MOB1B: variants seen among roughly 807,000 people sequenced by gnomAD.
MOB1B encodes MOB kinase activator 1B.
In MOB1B, 19 loss-of-function variants were observed where a neutral mutation model predicts 24.4. The observed-to-expected ratio is 0.78, with a 90% CI of 0.54 to 1.14. The LOEUF (loss-of-function observed/expected upper bound fraction) is 1.14. MOB1B is among the 50% of genes most tolerant of loss of function. The probability of loss-of-function intolerance (pLI) is 0.00; values close to 1 mark genes in which losing one functional copy is unlikely to be tolerated. For synonymous variants in MOB1B, 76 were observed against 82.1 expected (o/e 0.93, Z 0.40); for missense variants, 243 against 259.6 (o/e 0.94, Z 0.44).
At chr4:70,946,519 A>C (rs1267224722) in intron 1 of MOB1B, among the ~76,000 whole-genome samples, 1 of 152,182 alleles carries the variant, frequency 6.6e-6, no homozygotes, top group Non-Finnish European at 1.5e-5. Context: ...CTGACCCTTC[A>C]TGGGTTAGTA....
rs537041877 is a variant in MOB1B, at chr4:70,951,900, A to G, written c.15-6974A>G. Among the ~76,000 whole-genome samples the G allele has an allele frequency of 3.9e-5, 6 of 152,316 alleles. No homozygotes were observed. In the South Asian group the frequency reaches 8.3e-4, roughly 21 times the overall value. ...AAAAAAACAAAGCACAACATTCTCC[A>G]TAGTTATGATGCTGTGTTGGAAGCT... On this transcript the variant is annotated intron_variant, in intron 1 of 5. Coordinates refer to ENST00000309395, the MANE Select transcript of MOB1B (RefSeq NM_173468.4).
intron 1 of MOB1B, among the ~76,000 whole-genome samples, chr4:70,934,684 A>C (rs1312596307): frequency 1.3e-5 from 2 of 151,854 alleles, no homozygotes; most frequent in Non-Finnish European, 2.9e-5. Flanking sequence ...TCGAACTCCT[A>C]ACCTCAAGTG....
In MOB1B at chr4:70,981,982, A is replaced by G. The variant is rs745817469; in HGVS notation, c.576A>G (p.Glu192=). ...GCCTTTCTTTATATCATGCATAGGA[A>G]TTCAACCTTATTGATAGAAGAGAAC... is the stretch of plus-strand genomic sequence containing the variant. The part of the protein sequence containing the change: ...SFKHFIFFVQ[E]FNLIDRRELA... Residue 192 remains glutamate, a splice_region_variant and synonymous_variant, in exon 6 of 6, where the codon GAA becomes GAG. Transcript: ENST00000309395. 4.4e-6 allele frequency: 7 copies of G among 1,602,026 alleles called. No individual in the cohort carries two copies. The highest frequency in any genetic ancestry group is 6.0e-6 in the Non-Finnish European group (7 of 1,169,700).
At chr4:70,934,577 C>T (rs1378632473) in intron 1 of MOB1B, among the ~76,000 whole-genome samples, 8 of 151,836 alleles carry the variant, frequency 5.3e-5, no homozygotes, top group Non-Finnish European at 1.0e-4. Flanking sequence ...CCTCAGCCTC[C>T]CGAGTAGCTG....
Position 70,982,881 on chromosome 4 carries a change from C to T in MOB1B, c.*824C>T, listed in dbSNP as rs1739261638. 6.6e-6 allele frequency: 1 copy of T among 152,374 alleles called. No individual in the cohort carries two copies. The allele number at this position is 152,374 out of a possible 1,614,324, so 9.4% of individuals were successfully genotyped here. A position where few individuals can be genotyped will look rare whatever the true frequency, so the allele number is the denominator to read the frequency against. ...AGGTGATGCTGAACTGTGAGGTTTC[C>T]TAGTAATTGCCAAATGAGCCGTAAG... On this transcript the variant is annotated 3_prime_UTR_variant, in exon 6 of 6. Transcript: ENST00000309395.
intron 1 of MOB1B, among the ~76,000 whole-genome samples, chr4:70,924,778 A>T (rs1736584601): frequency 6.6e-6 from 1 of 152,102 alleles, no homozygotes; most frequent in Admixed American, 6.6e-5. Flanking sequence ...GCTGAGAATG[A>T]TGTCTTCCAG....
chr4:70,929,369 G>T (rs199746792), intron 1 of MOB1B, among the ~76,000 whole-genome samples: 2 of 151,912 alleles, frequency 1.3e-5, no homozygotes, highest in East Asian at 3.9e-4. Flanking sequence ...AGTAGACAAG[G>T]GATTTTCCCA....
At chr4:70,939,227 G>A (rs1737227194) in intron 1 of MOB1B, among the ~76,000 whole-genome samples, 1 of 152,020 alleles carries the variant, frequency 6.6e-6, no homozygotes, top group African/African-American at 2.4e-5. Context: ...GAAGATGTTG[G>A]GCTGAAAACA....
chr4:70,934,455 A>T (rs1016737958), intron 1 of MOB1B, among the ~76,000 whole-genome samples: 2 of 141,190 alleles, frequency 1.4e-5, no homozygotes, highest in Admixed American at 7.2e-5. Context: ...CTGGAATATA[A>T]TTTTTTTTTT....
At chr4:70,924,965 CA>C (rs906414917) in intron 1 of MOB1B, among the ~76,000 whole-genome samples, 1 of 152,100 alleles carries the variant, frequency 6.6e-6, no homozygotes, top group Admixed American at 6.5e-5. Flanking sequence ...CCAAACTATA[CA>C]AAAAAACTAC....
chr4:70,977,617 C>G (rs926711894), intron 4 of MOB1B, among the ~76,000 whole-genome samples: 2 of 152,080 alleles, frequency 1.3e-5, no homozygotes, highest in Admixed American at 6.5e-5. Flanking sequence ...TACATAGTTA[C>G]CCTTTTTCCC....
At chr4:70,925,616 A>G (rs1736618245) in intron 1 of MOB1B, among the ~76,000 whole-genome samples, 9 of 151,618 alleles carry the variant, frequency 5.9e-5, no homozygotes, top group Admixed American at 5.9e-4. Flanking sequence ...GGCACCACCT[A>G]GGAGTATGTT....
intron 1 of MOB1B, among the ~76,000 whole-genome samples, chr4:70,954,923 T>C (rs908389884): frequency 6.6e-6 from 1 of 151,920 alleles, no homozygotes; most frequent in Non-Finnish European, 1.5e-5. Context: ...GTAGCTGGGA[T>C]TACAGGTGCA....
At chr4:70,961,162 C>T (rs1738285628) in intron 2 of MOB1B, among the ~76,000 whole-genome samples, 1 of 152,076 alleles carries the variant, frequency 6.6e-6, no homozygotes, top group South Asian at 2.1e-4. Flanking sequence ...AAGGGATTAA[C>T]AACTGTTAAT....
At chr4:70,906,246 C>T (rs377533603) in intron 1 of MOB1B, among the ~76,000 whole-genome samples, 3 of 151,956 alleles carry the variant, frequency 2.0e-5, no homozygotes, top group Non-Finnish European at 4.4e-5. Context: ...GGCGTGGTGG[C>T]GGATGCCTAT....
Position 70,959,071 on chromosome 4 carries a change from G to A in MOB1B, c.181+31G>A, listed in dbSNP as rs79490806. The A allele has an allele frequency of 2.4e-3, 3,750 of 1,590,796 alleles. 70 individuals carry two copies. In the African/African-American group the frequency reaches 0.044, roughly 19 times the overall value. Reference sequence around the variant, plus strand: ...TAGCCTTTTTATTTCTCAGTAGCCTGTGAATTAGGGTAATAGCCTCATTGT... The same window carrying A: ...TAGCCTTTTTATTTCTCAGTAGCCTATGAATTAGGGTAATAGCCTCATTGT... On this transcript the variant is annotated intron_variant, in intron 2 of 5. Coordinates refer to ENST00000309395, the MANE Select transcript of MOB1B (RefSeq NM_173468.4).
intron 1 of MOB1B, among the ~76,000 whole-genome samples, chr4:70,937,765 G>A (rs1278899627): frequency 4.6e-5 from 7 of 151,734 alleles, no homozygotes; most frequent in Non-Finnish European, 7.4e-5. Context: ...ACCTCAGGCC[G>A]TCTGCCTGGC....
At position 70,969,997 on chromosome 4, in the gene MOB1B, GT is replaced by G; in HGVS notation, c.250del (p.Cys84ValfsTer3). 6.2e-7 allele frequency: 1 copy of G among 1,600,348 alleles called. No homozygotes were observed. The highest frequency in any genetic ancestry group is 8.5e-7 in the Non-Finnish European group (1 of 1,171,690). On this transcript the variant is annotated frameshift_variant, in exon 3 of 6. Coordinates refer to ENST00000309395, the MANE Select transcript of MOB1B (RefSeq NM_173468.4). LOFTEE classifies it high-confidence loss of function. ...GTITDFCTEE[S>X]CPVMSAGPKY... ...ATCACAGACTTCTGTACAGAAGAGA[GT>G]TGTCCAGTGATGTCAGCTGGCCCAA...
chr4:70,972,066 G>A (rs999536876), intron 3 of MOB1B, among the ~76,000 whole-genome samples: 10 of 151,092 alleles, frequency 6.6e-5, no homozygotes, highest in Non-Finnish European at 1.3e-4. Flanking sequence ...AGAAGATGTA[G>A]TTGTTGTCAT....
Sources: allele counts gnomAD v4.1 joint callset (sites outside exome capture counted in the v4.1 genomes callset), GRCh38; gene constraint gnomAD v4.1.1; transcripts MANE v1.5; gene names NCBI Gene and HGNC (gene_info 2026-07-23, HGNC 2026-07-21).